DRC11: variants seen among roughly 807,000 people sequenced by gnomAD.
DRC11 encodes the protein IQ and AAA domain-containing protein 1.
chr2:236,326,222 C>T, the DRC11 span, among the ~76,000 whole-genome samples: 16,700 of 151,976 alleles, frequency 0.11, 2,308 homozygotes, highest in African/African-American at 0.32. Flanking sequence ...ATTTTTAATC[C>T]TTCTTTAATT....
At chr2:236,485,377 G>A in the DRC11 span, among the ~76,000 whole-genome samples, 1 of 151,866 alleles carries the variant, frequency 6.6e-6, no homozygotes, top group Non-Finnish European at 1.5e-5. Context: ...TATGTTATTA[G>A]CGTTTTCAAA....
At chr2:236,409,006 G>C in the DRC11 span, 1 of 684,412 alleles carries the variant, frequency 1.5e-6, no homozygotes, top group South Asian at 1.5e-5. Context: ...TTCCCACGAT[G>C]CGTGCTGTGC....
At chr2:236,471,454 G>A in the DRC11 span, among the ~76,000 whole-genome samples, 1 of 152,112 alleles carries the variant, frequency 6.6e-6, no homozygotes, top group Non-Finnish European at 1.5e-5. This position sits in a 1 kb window ranked among gnomAD's most constrained non-coding sequence, Gnocchi z 4.6. Flanking sequence ...ACACTGTAAC[G>A]TTAACTTTTT....
chr2:236,460,943 C>T, the DRC11 span, among the ~76,000 whole-genome samples: 818 of 152,074 alleles, frequency 5.4e-3, 8 homozygotes, highest in African/African-American at 0.018. This position sits in a 1 kb window ranked among gnomAD's most constrained non-coding sequence, Gnocchi z 4.0. Flanking sequence ...TTAGTAGAGA[C>T]GGGGTTTCAC....
chr2:236,366,507 T>A, the DRC11 span, among the ~76,000 whole-genome samples: 1 of 151,848 alleles, frequency 6.6e-6, no homozygotes, highest in Non-Finnish European at 1.5e-5. Context: ...TTGGCACACA[T>A]GCCCTGTCAT....
the DRC11 span, among the ~76,000 whole-genome samples, chr2:236,484,891 G>C: frequency 8.5e-5 from 13 of 152,184 alleles, no homozygotes; most frequent in African/African-American, 3.1e-4. Flanking sequence ...CCTCCTTCCC[G>C]ACCTGCGTCG....
At chr2:236,448,156 T>C in the DRC11 span, among the ~76,000 whole-genome samples, 1 of 152,184 alleles carries the variant, frequency 6.6e-6, no homozygotes, top group Non-Finnish European at 1.5e-5. The surrounding 1 kb of genome is among the most constrained non-coding windows in gnomAD (Gnocchi z 5.3). Flanking sequence ...AAAGAAAAAC[T>C]GAGATAATCA....
chr2:236,396,866 G>A, the DRC11 span, among the ~76,000 whole-genome samples: 2 of 152,172 alleles, frequency 1.3e-5, no homozygotes, highest in African/African-American at 2.4e-5. Context: ...ATAATGGAAG[G>A]CCCTGCCCTC....
chr2:236,465,579 G>T, the DRC11 span: 16 of 1,613,792 alleles, frequency 9.9e-6, no homozygotes, highest in Non-Finnish European at 1.3e-5. This position sits in a 1 kb window ranked among gnomAD's most constrained non-coding sequence, Gnocchi z 6.2. Flanking sequence ...TCAACTTTAG[G>T]TCATTCTTGA....
chr2:236,400,492 A>G, the DRC11 span, among the ~76,000 whole-genome samples: 1 of 152,158 alleles, frequency 6.6e-6, no homozygotes, highest in African/African-American at 2.4e-5. The surrounding 1 kb of genome is among the most constrained non-coding windows in gnomAD (Gnocchi z 7.9). Context: ...CCCTCATGTG[A>G]TGTTTCTCTG....
the DRC11 span, among the ~76,000 whole-genome samples, chr2:236,459,919 G>A: frequency 6.6e-6 from 1 of 152,006 alleles, no homozygotes; most frequent in Non-Finnish European, 1.5e-5. Context: ...AACTATAAGT[G>A]CTGACTCAAT....
chr2:236,357,172 A>G, the DRC11 span, among the ~76,000 whole-genome samples: 1 of 111,886 alleles, frequency 8.9e-6, no homozygotes, highest in South Asian at 2.6e-4. Context: ...ATATATCTAT[A>G]TATTATATAT....
the DRC11 span, among the ~76,000 whole-genome samples, chr2:236,401,751 T>G: frequency 6.8e-6 from 1 of 146,942 alleles, no homozygotes; most frequent in African/African-American, 2.5e-5. The surrounding 1 kb of genome is among the most constrained non-coding windows in gnomAD (Gnocchi z 4.6). Flanking sequence ...TGCCAGGGGG[T>G]TGGTGCGGGG....
the DRC11 span, among the ~76,000 whole-genome samples, chr2:236,363,371 G>C: frequency 6.6e-6 from 1 of 152,204 alleles, no homozygotes; most frequent in Non-Finnish European, 1.5e-5. The surrounding 1 kb of genome is among the most constrained non-coding windows in gnomAD (Gnocchi z 5.6). Context: ...ACACCTGTGT[G>C]AGGAGTGCAC....
the DRC11 span, among the ~76,000 whole-genome samples, chr2:236,386,743 A>C: frequency 6.8e-6 from 1 of 148,078 alleles, no homozygotes; most frequent in Admixed American, 6.7e-5. Context: ...TAGTTCTTTT[A>C]ATTGTGATGT....
At chr2:236,465,560 C>T in the DRC11 span, 555 of 1,613,982 alleles carry the variant, frequency 3.4e-4, 2 homozygotes, top group Middle Eastern at 2.8e-3. This position sits in a 1 kb window ranked among gnomAD's most constrained non-coding sequence, Gnocchi z 6.2. Flanking sequence ...TTGATATCCA[C>T]GCCTTCTATC....
chr2:236,459,597 A>ATATACG, the DRC11 span, among the ~76,000 whole-genome samples: 2 of 135,308 alleles, frequency 1.5e-5, no homozygotes, highest in Admixed American at 7.2e-5. Flanking sequence ...ACGTATACGT[A>ATATACG]TACATATATA....
chr2:236,394,243 G>T, the DRC11 span, among the ~76,000 whole-genome samples: 1 of 152,142 alleles, frequency 6.6e-6, no homozygotes, highest in Non-Finnish European at 1.5e-5. This position sits in a 1 kb window ranked among gnomAD's most constrained non-coding sequence, Gnocchi z 7.0. Context: ...AGGGCCCTGG[G>T]GCCAGTGCCT....
the DRC11 span, among the ~76,000 whole-genome samples, chr2:236,341,082 A>T: frequency 2.0e-5 from 3 of 152,152 alleles, 1 homozygote; most frequent in African/African-American, 7.2e-5. Flanking sequence ...ACTTTGGGCA[A>T]TTTCAAATTA....
Sources: allele counts gnomAD v4.1 joint callset (sites outside exome capture counted in the v4.1 genomes callset), GRCh38; gene constraint gnomAD v4.1.1; non-coding constraint Gnocchi (gnomAD v3.1); transcripts MANE v1.5; gene names NCBI Gene and HGNC (gene_info 2026-07-23, HGNC 2026-07-21).